Variants in APELA observed in about 807,000 individuals in gnomAD.
APELA encodes protein Elabela.
chr4:164,894,209 CA>C (rs1378008053), intron 2 of APELA, among the ~76,000 whole-genome samples: 2 of 152,046 alleles, frequency 1.3e-5, no homozygotes, highest in African/African-American at 4.8e-5. Context: ...CCTGTAATCC[CA>C]GCTACTTGGG....
At chr4:164,892,925 T>G (rs1730910146) in intron 2 of APELA, among the ~76,000 whole-genome samples, 2 of 152,288 alleles carry the variant, frequency 1.3e-5, no homozygotes, top group South Asian at 4.1e-4. Context: ...TAGTTATTTT[T>G]TGTTTCTGTA....
At chr4:164,879,714 G>A (rs1388976509) in intron 2 of APELA, among the ~76,000 whole-genome samples, 1 of 152,184 alleles carries the variant, frequency 6.6e-6, no homozygotes, top group African/African-American at 2.4e-5. Context: ...CAAAGTGCTG[G>A]AATTTCAGAT....
chr4:164,894,889 T>G (rs965943149), intron 2 of APELA, among the ~76,000 whole-genome samples: 21 of 152,188 alleles, frequency 1.4e-4, no homozygotes, highest in Non-Finnish European at 1.3e-4. Flanking sequence ...AGAAGAGGTA[T>G]CTCTATATTT....
chr4:164,896,531 A>C lies in APELA; in HGVS notation c.*1117A>C, dbSNP rs1027515764. The C allele has an allele frequency of 6.6e-6, 1 of 152,024 alleles. No homozygotes were observed. Among genetic ancestry groups the C allele is most frequent in the Non-Finnish European group, 1.5e-5 (1 of 68,012 alleles). 9.4% of individuals were successfully genotyped at this position (152,024 alleles called of 1,614,324 possible). A position where few individuals can be genotyped will look rare whatever the true frequency, so the allele number is the denominator to read the frequency against. ...TGTATCTAAAAGATGAGTGCTCATC[A>C]TCCTATTAGGCTTTGTCTTGGTGGT... On this transcript the variant is annotated 3_prime_UTR_variant, in exon 3 of 3. Transcript: ENST00000507152.
intron 2 of APELA, among the ~76,000 whole-genome samples, chr4:164,881,534 A>AT (rs35460565): frequency 0.61 from 92,515 of 150,680 alleles, 28,597 homozygotes; most frequent in Non-Finnish European, 0.63. Context: ...CATTTCCTTG[A>AT]TTTTTTTTTC....
intron 2 of APELA, among the ~76,000 whole-genome samples, chr4:164,884,153 AAG>A (rs1229978918): frequency 1.3e-5 from 2 of 149,492 alleles, no homozygotes; most frequent in African/African-American, 5.1e-5. Context: ...GAAAGAAAGA[AAG>A]AAAGGAGAAG....
chr4:164,893,258 G>A (rs893373097), intron 2 of APELA, among the ~76,000 whole-genome samples: 9 of 151,996 alleles, frequency 5.9e-5, no homozygotes, highest in African/African-American at 1.7e-4. Flanking sequence ...TTCTCTTCAA[G>A]TGCTACTTTA....
chr4:164,884,107 A>AAG (rs777519508), intron 2 of APELA, among the ~76,000 whole-genome samples: 1 of 41,880 alleles, frequency 2.4e-5, no homozygotes. Flanking sequence ...GAAAGAATGA[A>AAG]AGAAAGAAAG....
At chr4:164,882,145 C>A (rs538052898) in intron 2 of APELA, among the ~76,000 whole-genome samples, 32 of 152,046 alleles carry the variant, frequency 2.1e-4, no homozygotes, top group African/African-American at 7.2e-4. Context: ...CTCATGTTGC[C>A]CAGGCTGGAG....
chr4:164,884,151 G>GAAAGAAAGAAAT (rs1730721941), intron 2 of APELA, among the ~76,000 whole-genome samples: 1 of 147,496 alleles, frequency 6.8e-6, no homozygotes, highest in South Asian at 2.1e-4. Context: ...AAGAAAGAAA[G>GAAAGAAAGAAAT]AAAGAAAGGA....
chr4:164,887,998 T>C (rs993928892), intron 2 of APELA, among the ~76,000 whole-genome samples: 6 of 152,120 alleles, frequency 3.9e-5, no homozygotes, highest in African/African-American at 1.4e-4. Context: ...CCTGCAAAAG[T>C]CCCTTCCCTT....
intron 2 of APELA, among the ~76,000 whole-genome samples, chr4:164,892,628 A>ACC (rs1730904437): frequency 6.6e-6 from 1 of 152,180 alleles, no homozygotes; most frequent in Non-Finnish European, 1.5e-5. Context: ...GGGTAACCAT[A>ACC]AAATGACGTG....
At chr4:164,898,244 G>T (rs1476827948), downstream of APELA, among the ~76,000 whole-genome samples, 2 of 151,072 alleles carry the variant, frequency 1.3e-5, no homozygotes, top group African/African-American at 4.9e-5. Flanking sequence ...GCTCACACCT[G>T]TAATCCCAGC....
chr4:164,879,363 A>G (rs982943782), intron 2 of APELA: 9 of 169,382 alleles, frequency 5.3e-5, no homozygotes, highest in African/African-American at 2.1e-4. Flanking sequence ...TATTCACCCA[A>G]CAGCCCCATA....
At chr4:164,898,917 C>G (rs941410444), downstream of APELA, 1 of 152,036 alleles carries the variant, frequency 6.6e-6, no homozygotes, top group South Asian at 2.1e-4. Context: ...ATCAAGATAA[C>G]ATTTGAACTC....
At chr4:164,883,934 CAGAA>C (rs1352465289) in intron 2 of APELA, among the ~76,000 whole-genome samples, 2 of 125,792 alleles carry the variant, frequency 1.6e-5, no homozygotes, top group Non-Finnish European at 3.4e-5. Flanking sequence ...AAAAAAAAGA[CAGAA>C]AGACGAAAGA....
intron 2 of APELA, among the ~76,000 whole-genome samples, chr4:164,889,805 G>A (rs1334624352): frequency 6.6e-6 from 1 of 152,172 alleles, no homozygotes; most frequent in East Asian, 1.9e-4. Flanking sequence ...TACTGAACAT[G>A]TTCAAACTTT....
At chr4:164,894,109 G>T (rs780656016) in intron 2 of APELA, among the ~76,000 whole-genome samples, 8 of 152,144 alleles carry the variant, frequency 5.3e-5, no homozygotes, top group Non-Finnish European at 8.8e-5. Flanking sequence ...GATCACTTGA[G>T]ATCAGGAGTT....
intron 2 of APELA, among the ~76,000 whole-genome samples, chr4:164,879,546 G>C (rs1279369125): frequency 6.6e-6 from 1 of 152,082 alleles, no homozygotes; most frequent in Non-Finnish European, 1.5e-5. Flanking sequence ...CCGGGCTCAA[G>C]TGATCCTCCC....
Sources: allele counts gnomAD v4.1 joint callset (sites outside exome capture counted in the v4.1 genomes callset), GRCh38; gene constraint gnomAD v4.1.1; transcripts MANE v1.5; gene names NCBI Gene and HGNC (gene_info 2026-07-23, HGNC 2026-07-21).